MAPT: variants seen among roughly 807,000 people sequenced by gnomAD.
MAPT encodes microtubule-associated protein tau.
In MAPT, 34 loss-of-function variants were observed where a neutral mutation model predicts 67.9. That is an observed-to-expected ratio of 0.50 (90% confidence interval 0.38 to 0.67). The LOEUF (loss-of-function observed/expected upper bound fraction) is 0.67. Ranked by LOEUF, MAPT falls within the 30% of genes least tolerant of loss-of-function variation. The pLI is 0.00. For synonymous variants in MAPT, 456 were observed against 464.5 expected (o/e 0.98, Z 0.23); for missense variants, 881 against 1,115.2 (o/e 0.79, Z 2.99).
At chr17:45,913,653 G>A (rs7220050) in intron 1 of MAPT, among the ~76,000 whole-genome samples, 128 of 152,298 alleles carry the variant, frequency 8.4e-4, no homozygotes, top group African/African-American at 3.0e-3. Flanking sequence ...CTCTGGATTC[G>A]CTGGAGGAGC....
intron 1 of MAPT, among the ~76,000 whole-genome samples, chr17:45,948,049 C>G (rs944435063): frequency 1.3e-5 from 2 of 151,998 alleles, no homozygotes; most frequent in Non-Finnish European, 2.9e-5. Context: ...CTCTGTCACC[C>G]AGGCTGGAGT....
chr17:45,953,553 T>G (rs2145155539), intron 1 of MAPT, among the ~76,000 whole-genome samples: 1 of 152,304 alleles, frequency 6.6e-6, no homozygotes, highest in South Asian at 2.1e-4. Context: ...TATTGACCCT[T>G]GAGAGGCACA....
At position 45,941,741 on chromosome 17, in the gene MAPT, T is replaced by TG. The variant is rs1568208492; in HGVS notation, c.-17-20580_-17-20579insG. Among the ~76,000 whole-genome samples the TG allele has an allele frequency of 2.9e-4, 38 of 129,662 alleles. 1 individual carries two copies. Among genetic ancestry groups the TG allele is most frequent in the Middle Eastern group, 4.2e-3 (1 of 240 alleles). The allele number at this position is 129,662 out of a possible 152,430, so 85.1% of individuals were successfully genotyped here. On this transcript the variant is annotated intron_variant, in intron 1 of 12. Transcript: ENST00000262410. ...TTCCTTCCTTCCTTCCTTCCTTCCT[T>TG]CCTTCCTTCCTTCCTGGTATGTGAC... is the stretch of plus-strand genomic sequence containing the variant.
chr17:45,921,108 A>T (rs1232289198), intron 1 of MAPT, among the ~76,000 whole-genome samples: 2 of 152,180 alleles, frequency 1.3e-5, no homozygotes, highest in African/African-American at 4.8e-5. Context: ...TTTAGGGATA[A>T]TCCCTTAGTT....
intron 6 of MAPT, among the ~76,000 whole-genome samples, chr17:45,987,738 T>C (rs1162557292): frequency 6.6e-6 from 1 of 152,120 alleles, no homozygotes; most frequent in African/African-American, 2.4e-5. Flanking sequence ...GAGCATTCAG[T>C]GGTGTGTTGA....
At chr17:45,934,217 G>C (rs1264226252) in intron 1 of MAPT, among the ~76,000 whole-genome samples, 2 of 152,122 alleles carry the variant, frequency 1.3e-5, no homozygotes, top group Non-Finnish European at 2.9e-5. Flanking sequence ...GCATTCACCT[G>C]TAGTCTTAGC....
Position 45,983,341 on chromosome 17 carries a change from G to A in MAPT, c.762G>A (p.Glu254=), listed in dbSNP as rs185284364. The A allele has an allele frequency of 1.5e-4, 240 of 1,602,766 alleles. No homozygotes were observed. In the African/African-American group the frequency reaches 3.0e-3, roughly 20 times the overall value. Residue 254 remains glutamate (E), a synonymous_variant, in exon 5 of 13, where the codon GAG becomes GAA. Coordinates refer to ENST00000262410, the MANE Select transcript of MAPT (RefSeq NM_001377265.1). ...QPSGTGPEDT[E]GGRHAPELLK... Reference sequence around the variant, plus strand: ...CGGGGACAGGACCTGAGGACACAGAGGGCGGCCGCCACGCCCCTGAGCTGC... The same window carrying A: ...CGGGGACAGGACCTGAGGACACAGAAGGCGGCCGCCACGCCCCTGAGCTGC...
intron 9 of MAPT, chr17:45,999,685 C>G: frequency 6.4e-7 from 1 of 1,561,788 alleles, no homozygotes; most frequent in Non-Finnish European, 8.7e-7. Flanking sequence ...AGATGGGAGC[C>G]CCAGGTTATG....
At chr17:46,015,530 G>C (rs1220020043) in intron 11 of MAPT, among the ~76,000 whole-genome samples, 1 of 151,564 alleles carries the variant, frequency 6.6e-6, no homozygotes, top group African/African-American at 2.4e-5. Context: ...GTGGTGGCAG[G>C]TGCCTATAGT....
At position 46,001,666 on chromosome 17, in the gene MAPT, T is replaced by TA. The variant is rs554851749; in HGVS notation, c.1998+5012dup. 3.0e-4 allele frequency among the ~76,000 whole-genome samples: 45 copies of TA among 149,992 alleles called. No homozygotes were observed. In the Middle Eastern group the frequency reaches 0.01, roughly 34 times the overall value. ...CAACACAGTGAGACTGAGACTCTAT[T>TA]AAAAAAAAAATGCTGGTTCCTTCCT... On this transcript the variant is annotated intron_variant, in intron 9 of 12. Coordinates refer to ENST00000262410, the MANE Select transcript of MAPT (RefSeq NM_001377265.1).
chr17:45,955,532 G>A (rs1006174952), intron 1 of MAPT, among the ~76,000 whole-genome samples: 3 of 152,206 alleles, frequency 2.0e-5, no homozygotes, highest in African/African-American at 7.2e-5. Flanking sequence ...TGAGTGGGGA[G>A]CAGCCAGCGT....
intron 1 of MAPT, among the ~76,000 whole-genome samples, chr17:45,936,763 T>C (rs771217223): frequency 1.2e-4 from 19 of 152,158 alleles, no homozygotes; most frequent in Non-Finnish European, 2.4e-4. Context: ...GCAGAGGCCT[T>C]CCCCCAAGGG....
At chr17:45,927,402 A>G (rs1452927705) in intron 1 of MAPT, among the ~76,000 whole-genome samples, 65 of 152,222 alleles carry the variant, frequency 4.3e-4, no homozygotes. Context: ...GCCCAGAGTC[A>G]GCGTTTCAGG....
In MAPT at chr17:46,023,953, C is replaced by A. The variant is rs771548968; in HGVS notation, c.2287-3C>A. On this transcript the variant is annotated splice_polypyrimidine_tract_variant and splice_region_variant and intron_variant, in intron 12 of 12. Coordinates refer to ENST00000262410, the MANE Select transcript of MAPT (RefSeq NM_001377265.1). ...CACCCTCCCTCCCTTCCTCTTCTTG[C>A]AGATTGAAACCCACAAGCTGACCTT... 25 of 1,613,322 alleles carry A rather than the reference C, an allele frequency of 1.5e-5. No individual in the cohort carries two copies. The highest frequency in any genetic ancestry group is 5.3e-5 in the African/African-American group (4 of 74,914).
At chr17:45,918,241 TC>T (rs2065379764) in intron 1 of MAPT, among the ~76,000 whole-genome samples, 1 of 152,242 alleles carries the variant, frequency 6.6e-6, no homozygotes, top group African/African-American at 2.4e-5. Flanking sequence ...CTGAAGCGTT[TC>T]CCCCAGCTGT....
chr17:45,999,369 T>C (rs749899904), intron 9 of MAPT: 1 of 1,613,972 alleles, frequency 6.2e-7, no homozygotes, highest in Non-Finnish European at 8.5e-7. Flanking sequence ...GCGGGGTTAA[T>C]TTAACTCAGC....
chr17:45,930,665 C>A (rs1164936928), intron 1 of MAPT, among the ~76,000 whole-genome samples: 1 of 152,172 alleles, frequency 6.6e-6, no homozygotes, highest in Non-Finnish European at 1.5e-5. Context: ...CTTTTCACTA[C>A]CTCCTGCTTA....
At chr17:45,898,681 C>G (rs1239589335) in intron 1 of MAPT, 1 of 152,198 alleles carries the variant, frequency 6.6e-6, no homozygotes. Flanking sequence ...AATTTTCCAA[C>G]TGGACCTTGC....
Position 45,974,499 on chromosome 17 carries a change from G to A in MAPT, c.220+2554G>A, listed in dbSNP as rs541856342. 13 of 1,560,316 alleles carry A rather than the reference G, an allele frequency of 8.3e-6. No individual in the cohort carries two copies. The South Asian group carries it at 1.5e-4, about 18-fold the overall frequency. ...GAGGGTAAGCCCCAGAGACCCCCAG[G>A]CAGTCAAGGCCCTGCTGGGTGCCCC... On this transcript the variant is annotated intron_variant, in intron 3 of 12. Coordinates refer to ENST00000262410, the MANE Select transcript of MAPT (RefSeq NM_001377265.1).
Sources: allele counts gnomAD v4.1 joint callset (sites outside exome capture counted in the v4.1 genomes callset), GRCh38; gene constraint gnomAD v4.1.1; transcripts MANE v1.5; gene names NCBI Gene and HGNC (gene_info 2026-07-23, HGNC 2026-07-21).